GRPEL2: variants seen among roughly 807,000 people sequenced by gnomAD.
The protein encoded by GRPEL2 is grpE protein homolog 2, mitochondrial.
Under a neutral mutation model 25.9 loss-of-function variants are expected in GRPEL2, and 18 were observed. That is an observed-to-expected ratio of 0.70 (90% confidence interval 0.48 to 1.03). GRPEL2 has a LOEUF of 1.03. Ranked by LOEUF, GRPEL2 falls within the 50% of genes least tolerant of loss-of-function variation. GRPEL2 has a pLI of 0.00. For missense variants in GRPEL2, 247 were observed against 276.2 expected (o/e 0.89, Z 0.75); for synonymous variants, 106 against 107.9 (o/e 0.98, Z 0.11).
At chr5:149,349,286 G>A (rs567550053) in intron 2 of GRPEL2, among the ~76,000 whole-genome samples, 2 of 152,282 alleles carry the variant, frequency 1.3e-5, no homozygotes, top group African/African-American at 4.8e-5. Flanking sequence ...GTGAGCCACC[G>A]TGCCCTGCCT....
rs34300270 is a variant in GRPEL2 at position 149,346,715 on chromosome 5, A to ATTTTTTTT, written c.77+1132_77+1139dup. Among the ~76,000 whole-genome samples, 25 of 59,262 alleles carry ATTTTTTTT rather than the reference A, an allele frequency of 4.2e-4. 2 individuals carry two copies. The highest frequency in any genetic ancestry group is 7.1e-4 in the South Asian group (1 of 1,412). 38.9% of individuals were successfully genotyped at this position (59,262 alleles called of 152,430 possible). On this transcript the variant is annotated intron_variant, in intron 1 of 3. Coordinates refer to ENST00000329271, the MANE Select transcript of GRPEL2 (RefSeq NM_152407.4). ...TTTTCCCTTTGAACTGGCCCTGAGA[A>ATTTTTTTT]TTTTTTTTTTTTTTTTTTTTTTTTT...
At position 149,353,719 on chromosome 5, in the gene GRPEL2, CTTTT is replaced by C. The variant is rs1282475161; in HGVS notation, c.*2438_*2441del. On this transcript the variant is annotated 3_prime_UTR_variant, in exon 4 of 4. Coordinates refer to ENST00000329271, the MANE Select transcript of GRPEL2 (RefSeq NM_152407.4). ...AGTAAATTCAGAATAATTTTAGGTT[CTTTT>C]GTTATTCAGTAGTTTTGCAGACTTA... The C allele has an allele frequency of 6.6e-6, 1 of 151,686 alleles. No individual in the cohort carries two copies. Among genetic ancestry groups the C allele is most frequent in the East Asian group, 1.9e-4 (1 of 5,154 alleles). 9.4% of individuals were successfully genotyped at this position (151,686 alleles called of 1,614,324 possible). A position where few individuals can be genotyped will look rare whatever the true frequency, so the allele number is the denominator to read the frequency against.
At position 149,351,277 on chromosome 5, in the gene GRPEL2, CTG is replaced by C. The variant is rs1276230106; in HGVS notation, c.676_677del (p.Ter226LysfsTer29). ...VEVAVESQRR[L>X] ...AGTGGCAGTGGAGTCTCAGAGAAGA[CTG>C]TGAAGAGGCCATCAGGAACTGGATG... is the stretch of plus-strand genomic sequence containing the variant. On this transcript the variant is annotated frameshift_variant, in exon 4 of 4. Transcript: ENST00000329271. LOFTEE classifies it high-confidence loss of function. 13 of 1,605,574 alleles carry C rather than the reference CTG, an allele frequency of 8.1e-6. No individual in the cohort carries two copies. The highest frequency in any genetic ancestry group is 1.0e-5 in the Non-Finnish European group (12 of 1,173,822).
Position 149,345,525 on chromosome 5 carries a change from G to C in GRPEL2, c.-15G>C. 1.9e-6 allele frequency: 3 copies of C among 1,608,420 alleles called. No homozygotes were observed. Among genetic ancestry groups the C allele is most frequent in the South Asian group, 2.2e-5 (2 of 89,782 alleles). On this transcript the variant is annotated 5_prime_UTR_variant, in exon 1 of 4. Coordinates refer to ENST00000329271, the MANE Select transcript of GRPEL2 (RefSeq NM_152407.4). ...GCAAGTGCGCGTGCGCTGCCTCTCA[G>C]CCCAAATTGGAAACATGGCCGTACG...
intron 1 of GRPEL2, among the ~76,000 whole-genome samples, chr5:149,346,681 C>T (rs1276041588): frequency 7.3e-6 from 1 of 136,396 alleles, no homozygotes. Flanking sequence ...TTGGTCTAAG[C>T]TTTGGCCATT....
intron 2 of GRPEL2, 90 bp from the exon 3 acceptor site, chr5:149,349,564 A>G (rs780077381): frequency 3.3e-6 from 3 of 900,766 alleles, no homozygotes; most frequent in Non-Finnish European, 5.1e-6. Flanking sequence ...ACCTATCAAA[A>G]GGGTGAAATT....
intron 3 of GRPEL2, among the ~76,000 whole-genome samples, 181 bp from the exon 4 acceptor site, chr5:149,350,737 C>T (rs1229188852): frequency 6.6e-6 from 1 of 152,182 alleles, no homozygotes; most frequent in Non-Finnish European, 1.5e-5. Flanking sequence ...CTGAGAGAGA[C>T]ACTGACTTGT....
At position 149,353,655 on chromosome 5, in the gene GRPEL2, A is replaced by G. The variant is rs1237436883; in HGVS notation, c.*2373A>G. The G allele has an allele frequency of 6.6e-6, 1 of 152,036 alleles. No homozygotes were observed. Among genetic ancestry groups the G allele is most frequent in the Admixed American group, 6.6e-5 (1 of 15,262 alleles). The allele number at this position is 152,036 out of a possible 1,614,324, so 9.4% of individuals were successfully genotyped here. The stretch of plus-strand genomic sequence containing the variant: ...GTCTCACTATATTGTCCAGGCTAGA[A>G]GAATTTTCTAATGGTCTATTACACC... On this transcript the variant is annotated 3_prime_UTR_variant, in exon 4 of 4. Transcript: ENST00000329271.
At position 149,345,545 on chromosome 5, in the gene GRPEL2, C is replaced by A; in HGVS notation, c.6C>A (p.Ala2=). M[A]VRSLWAGRLR... The stretch of plus-strand genomic sequence containing the variant: ...TCTCAGCCCAAATTGGAAACATGGC[C>A]GTACGGTCGCTGTGGGCGGGCCGGC... The change falls in exon 1 of 4, where the codon GCC becomes GCA. Residue 2 remains alanine (A), a synonymous_variant. Coordinates refer to ENST00000329271, the MANE Select transcript of GRPEL2 (RefSeq NM_152407.4). The A allele has an allele frequency of 1.9e-6, 3 of 1,611,064 alleles. No individual in the cohort carries two copies. The South Asian group carries it at 3.3e-5, about 18-fold the overall frequency.
At position 149,352,115 on chromosome 5, in the gene GRPEL2, T is replaced by G. The variant is rs576389475; in HGVS notation, c.*833T>G. On this transcript the variant is annotated 3_prime_UTR_variant, in exon 4 of 4. Transcript: ENST00000329271. Reference sequence around the variant, plus strand: ...AACTTATTCCACCAGCCTTTACTCCTCTGCCCTTTTGTCAATTTTACCTTA... The same window carrying G: ...AACTTATTCCACCAGCCTTTACTCCGCTGCCCTTTTGTCAATTTTACCTTA... 6 of 152,236 alleles carry G rather than the reference T, an allele frequency of 3.9e-5. No homozygotes were observed. The highest frequency in any genetic ancestry group is 1.3e-4 in the Admixed American group (2 of 15,286). 9.4% of individuals were successfully genotyped at this position (152,236 alleles called of 1,614,324 possible).
At chr5:149,347,237 A>G (rs558196889) in intron 1 of GRPEL2, among the ~76,000 whole-genome samples, 1 of 152,264 alleles carries the variant, frequency 6.6e-6, no homozygotes, top group Admixed American at 6.5e-5. Flanking sequence ...TCTTGCTTAC[A>G]CCTTTAAACT....
In GRPEL2 at chr5:149,353,855, A is replaced by G. The variant is rs1222646528; in HGVS notation, c.*2573A>G. On this transcript the variant is annotated 3_prime_UTR_variant, in exon 4 of 4. Coordinates refer to ENST00000329271, the MANE Select transcript of GRPEL2 (RefSeq NM_152407.4). ...TATTAGAGCATAGGCTTGAACTTAA[A>G]TCTCAGCTCAGTCACCTGCAGGACT... The G allele has an allele frequency of 6.6e-6, 1 of 152,166 alleles. No individual in the cohort carries two copies. The highest frequency in any genetic ancestry group is 2.4e-5 in the African/African-American group (1 of 41,446). The allele number at this position is 152,166 out of a possible 1,614,324, so 9.4% of individuals were successfully genotyped here.
chr5:149,351,163 G>C lies in GRPEL2; in HGVS notation c.559G>C (p.Gly187Arg). Residue 187 changes from glycine to arginine, a missense_variant, in exon 4 of 4, where the codon GGT becomes CGT. Physicochemically the swap from Gly to Arg is moderately radical, Grantham distance 125 (BLOSUM62 -2). Around this residue, in one of 2 missense-constraint regions of GRPEL2, gnomAD observed 122 missense variants for 169.2 expected, o/e 0.72. Coordinates refer to ENST00000329271, the MANE Select transcript of GRPEL2 (RefSeq NM_152407.4). ...TGAACTCATCTGTCATGTGCCAGCT[G>C]GTGTTGGGGTGCAGCCTGGCACCGT... Reference protein sequence around the residue: ...EHELICHVPAGVGVQPGTVAL... With the variant: ...EHELICHVPARVGVQPGTVAL... 1 of 1,614,134 alleles carries C rather than the reference G, an allele frequency of 6.2e-7. No individual in the cohort carries two copies. Among genetic ancestry groups the C allele is most frequent in the East Asian group, 2.2e-5 (1 of 44,878 alleles).
rs772701446 is a variant in GRPEL2 at position 149,345,581 on chromosome 5, G to A, written c.42G>A (p.Gln14=). 5.6e-6 allele frequency: 9 copies of A among 1,611,836 alleles called. No individual in the cohort carries two copies. The highest frequency in any genetic ancestry group is 7.6e-6 in the Non-Finnish European group (9 of 1,179,348). The stretch of plus-strand genomic sequence containing the variant: ...TGTGGGCGGGCCGGCTGCGGGTGCA[G>A]CGCCTACTGGCCTGGAGTGCCGCGT... ...RSLWAGRLRV[Q]RLLAWSAAWE... Residue 14 remains glutamine (Q), a synonymous_variant, in exon 1 of 4, where the codon CAG becomes CAA. Transcript: ENST00000329271.
Position 149,353,610 on chromosome 5 carries a change from G to A in GRPEL2, c.*2328G>A, listed in dbSNP as rs1218298647. On this transcript the variant is annotated 3_prime_UTR_variant, in exon 4 of 4. Coordinates refer to ENST00000329271, the MANE Select transcript of GRPEL2 (RefSeq NM_152407.4). ...TTTGGTTTTTTTTTTTTGGTTGGTT[G>A]GTTGTTTTTTACAGGCGGGGTCTCA... 1.3e-5 allele frequency: 2 copies of A among 150,932 alleles called. No individual in the cohort carries two copies. Among genetic ancestry groups the A allele is most frequent in the African/African-American group, 4.9e-5 (2 of 41,018 alleles). 9.3% of individuals were successfully genotyped at this position (150,932 alleles called of 1,614,324 possible). A position where few individuals can be genotyped will look rare whatever the true frequency, so the allele number is the denominator to read the frequency against.
intron 1 of GRPEL2, 101 bp downstream of exon 1, chr5:149,345,717 A>G: frequency 1.0e-6 from 1 of 977,404 alleles, no homozygotes; most frequent in Non-Finnish European, 1.5e-6. Flanking sequence ...ATCTGAGCGT[A>G]GGCCAGGGGA....
chr5:149,345,698 G>T lies in GRPEL2; in HGVS notation c.77+82G>T. On this transcript the variant is annotated intron_variant, in intron 1 of 3. Coordinates refer to ENST00000329271, the MANE Select transcript of GRPEL2 (RefSeq NM_152407.4). ...AGCCGGGGTGGTTGTGGGCTGGAAGGCGAGAGCTATCTGAGCGTAGGCCAG... is the reference window on the plus strand; with the variant it reads ...AGCCGGGGTGGTTGTGGGCTGGAAGTCGAGAGCTATCTGAGCGTAGGCCAG... The T allele has an allele frequency of 3.3e-6, 4 of 1,199,970 alleles. No homozygotes were observed. In the South Asian group the frequency reaches 5.5e-5, roughly 16 times the overall value. The allele number at this position is 1,199,970 out of a possible 1,614,324, so 74.3% of individuals were successfully genotyped here. A position where few individuals can be genotyped will look rare whatever the true frequency, so the allele number is the denominator to read the frequency against.
At position 149,349,694 on chromosome 5, in the gene GRPEL2, G is replaced by A. The variant is rs1450090349; in HGVS notation, c.272G>A (p.Arg91Lys). ...GCTATAGCTGATTGTGAAAACATAA[G>A]GAGGCGAACCCAGAGATGTGTGGAA... ...QRAIADCENI[R>K]RRTQRCVEDA... The change falls in exon 3 of 4, where the codon AGG becomes AAG. Residue 91 changes from arginine (R) to lysine (K), a missense_variant. Arg to Lys is a conservative substitution (Grantham distance 26). Transcript: ENST00000329271. 3 of 1,613,454 alleles carry A rather than the reference G, an allele frequency of 1.9e-6. No homozygotes were observed. The African/African-American group carries it at 4.0e-5, about 22-fold the overall frequency.
intron 1 of GRPEL2, chr5:149,345,838 G>A: frequency 1.7e-6 from 1 of 582,588 alleles, no homozygotes; most frequent in Non-Finnish European, 3.1e-6. Flanking sequence ...AAGGAGATCC[G>A]AGGTCATGCA....
Sources: allele counts gnomAD v4.1 joint callset (sites outside exome capture counted in the v4.1 genomes callset), GRCh38; gene constraint gnomAD v4.1.1; regional missense constraint gnomAD v4.1.1; transcripts MANE v1.5; gene names NCBI Gene and HGNC (gene_info 2026-07-23, HGNC 2026-07-21).